EIF4E: variants seen among roughly 807,000 people sequenced by gnomAD.
The protein encoded by EIF4E is eIF-4F 25 kDa subunit.
For missense variants in EIF4E, 113 were observed against 265.6 expected, an observed-to-expected ratio of 0.43 and a Z score of 3.99; for synonymous variants, 71 against 88.5, an observed-to-expected ratio of 0.80 and a Z score of 1.11.
rs760614564 is a variant in EIF4E, at chr4:98,885,064, T to TA, written c.400-4dup. 77 of 1,606,092 alleles carry TA rather than the reference T, an allele frequency of 4.8e-5. No homozygotes were observed. The highest frequency in any genetic ancestry group is 9.4e-5 in the African/African-American group (7 of 74,448). ...GATTCTCCAATAAGGCACAGAAGCT[T>TA]AAAAAAAAATCCCAAATTACATTTA... is the stretch of plus-strand genomic sequence containing the variant. On this transcript the variant is annotated splice_region_variant and splice_polypyrimidine_tract_variant and intron_variant, in intron 5 of 6. Coordinates refer to ENST00000450253, the MANE Select transcript of EIF4E (RefSeq NM_001968.5).
chr4:98,886,809 A>C, intron 5 of EIF4E: 1 of 423,208 alleles, frequency 2.4e-6, no homozygotes, highest in South Asian at 2.1e-5. Flanking sequence ...AGGTTCTATA[A>C]TTTTGAGGTT....
intron 3 of EIF4E, among the ~76,000 whole-genome samples, chr4:98,889,097 T>C (rs539703063): frequency 6.6e-6 from 1 of 151,294 alleles, no homozygotes; most frequent in African/African-American, 2.4e-5. Flanking sequence ...AGGCGGAGGT[T>C]GCAGTGAGCC....
chr4:98,914,626 G>A (rs886207239), intron 1 of EIF4E, among the ~76,000 whole-genome samples: 2 of 151,966 alleles, frequency 1.3e-5, no homozygotes, highest in Admixed American at 1.3e-4. Context: ...TGGTTGGTGG[G>A]GAGGGTATAA....
chr4:98,881,245 A>G (rs1723681089), intron 6 of EIF4E, 103 bp from the exon 7 acceptor site: 1 of 1,487,182 alleles, frequency 6.7e-7, no homozygotes, highest in Non-Finnish European at 9.0e-7. Flanking sequence ...ATTAAAAAAC[A>G]TAGACTTGAG....
rs571488438 is a variant in EIF4E, at chr4:98,919,320, CAA to C, written c.18+9773_18+9774del. 3.8e-5 allele frequency among the ~76,000 whole-genome samples: 4 copies of C among 105,542 alleles called. No individual in the cohort carries two copies. The South Asian group carries it at 1.2e-3, about 32-fold the overall frequency. The allele number at this position is 105,542 out of a possible 152,430, so 69.2% of individuals were successfully genotyped here. A position where few individuals can be genotyped will look rare whatever the true frequency, so the allele number is the denominator to read the frequency against. On this transcript the variant is annotated intron_variant, in intron 1 of 6. Coordinates refer to ENST00000450253, the MANE Select transcript of EIF4E (RefSeq NM_001968.5). ...CACCATCTCAAAACAAAAACAGAAA[CAA>C]AAAGACTAGCAAAAAAAAAAAAAAC...
rs529804160 is a variant in EIF4E at position 98,908,554 on chromosome 4, T to C, written c.19-6572A>G. On this transcript the variant is annotated intron_variant, in intron 1 of 6. Coordinates refer to ENST00000450253, the MANE Select transcript of EIF4E (RefSeq NM_001968.5). The stretch of plus-strand genomic sequence containing the variant: ...ACATTCTAGTAAATTGAAGTCACTA[T>C]ATTAAATAAAGGTATGAAATAATGA... 2.0e-5 allele frequency among the ~76,000 whole-genome samples: 3 copies of C among 152,302 alleles called. 1 individual carries two copies. The South Asian group carries it at 6.2e-4, about 32-fold the overall frequency.
intron 6 of EIF4E, among the ~76,000 whole-genome samples, chr4:98,883,883 C>A (rs1046669791): frequency 6.6e-6 from 1 of 151,622 alleles, no homozygotes; most frequent in Non-Finnish European, 1.5e-5. Context: ...ACAAAAAATA[C>A]AAGAAAATAG....
intron 1 of EIF4E, chr4:98,903,364 T>TG (rs1724729587): frequency 9.4e-6 from 4 of 424,120 alleles, no homozygotes; most frequent in Non-Finnish European, 1.4e-5. Context: ...ATATGGGTTT[T>TG]TTTTTTTTTT....
chr4:98,889,582 G>GA (rs1254056729), intron 3 of EIF4E, among the ~76,000 whole-genome samples: 1 of 151,942 alleles, frequency 6.6e-6, no homozygotes, highest in Non-Finnish European at 1.5e-5. Context: ...AAATTTGCTA[G>GA]AAAAAAACAG....
intron 3 of EIF4E, among the ~76,000 whole-genome samples, chr4:98,890,599 G>A (rs1220920468): frequency 1.3e-5 from 2 of 152,118 alleles, no homozygotes; most frequent in Admixed American, 6.5e-5. Flanking sequence ...CAAAGTATTA[G>A]TATTACAGGC....
At chr4:98,899,601 T>C (rs1261989317) in intron 2 of EIF4E, among the ~76,000 whole-genome samples, 2 of 152,184 alleles carry the variant, frequency 1.3e-5, no homozygotes, top group Non-Finnish European at 2.9e-5. Context: ...TGTAAGGATG[T>C]AAATTACAGC....
intron 2 of EIF4E, among the ~76,000 whole-genome samples, chr4:98,900,695 G>C (rs1001417397): frequency 2.0e-4 from 31 of 152,222 alleles, no homozygotes; most frequent in African/African-American, 7.5e-4. Flanking sequence ...TCAGCATTCA[G>C]TGAACTCAAG....
chr4:98,915,055 C>T (rs1456175464), intron 1 of EIF4E, among the ~76,000 whole-genome samples: 1 of 152,104 alleles, frequency 6.6e-6, no homozygotes, highest in South Asian at 2.1e-4. Flanking sequence ...TCAATCCTCC[C>T]GCCTCAGCCT....
intron 1 of EIF4E, among the ~76,000 whole-genome samples, chr4:98,920,982 T>C (rs1469005186): frequency 6.6e-6 from 1 of 152,194 alleles, no homozygotes; most frequent in African/African-American, 2.4e-5. Context: ...ACACTCAGGT[T>C]TGAGTTCTCT....
chr4:98,911,519 C>T (rs1287599080), intron 1 of EIF4E, among the ~76,000 whole-genome samples: 1 of 149,380 alleles, frequency 6.7e-6, no homozygotes, highest in Non-Finnish European at 1.5e-5. Flanking sequence ...ATTAGCAGGG[C>T]GTGGTGGCAC....
chr4:98,903,357 TG>T, intron 1 of EIF4E: 1 of 414,942 alleles, frequency 2.4e-6, no homozygotes, highest in Admixed American at 3.1e-5. Context: ...TGAAAGAATA[TG>T]GGTTTTTTTT....
intron 1 of EIF4E, chr4:98,909,659 G>T (rs1445569026): frequency 2.8e-6 from 2 of 711,188 alleles, no homozygotes; most frequent in Admixed American, 2.0e-5. Context: ...AACCTGTGCT[G>T]GCAAACAAGG....
chr4:98,906,142 C>T (rs190106564), intron 1 of EIF4E, among the ~76,000 whole-genome samples: 65 of 152,302 alleles, frequency 4.3e-4, no homozygotes, highest in African/African-American at 1.5e-3. Context: ...CCTTTCCCCT[C>T]AGAATACCCC....
At chr4:98,916,593 T>C (rs1725392883) in intron 1 of EIF4E, among the ~76,000 whole-genome samples, 1 of 152,042 alleles carries the variant, frequency 6.6e-6, no homozygotes, top group Admixed American at 6.6e-5. Flanking sequence ...AGAAAAAGAA[T>C]CTACAAATTA....
Sources: allele counts gnomAD v4.1 joint callset (sites outside exome capture counted in the v4.1 genomes callset), GRCh38; gene constraint gnomAD v4.1.1; transcripts MANE v1.5; gene names NCBI Gene and HGNC (gene_info 2026-07-23, HGNC 2026-07-21).